Variants in TNFRSF10D observed in about 807,000 individuals in gnomAD.
TNFRSF10D encodes the protein TNF receptor superfamily member 10d.
Under a neutral mutation model 42.1 loss-of-function variants are expected in TNFRSF10D, and 28 were observed. The ratio of observed to expected loss-of-function variants is 0.66; its 90% CI spans 0.49 to 0.91. The LOEUF (loss-of-function observed/expected upper bound fraction) is 0.91. Ranked by LOEUF, TNFRSF10D falls within the 40% of genes least tolerant of loss-of-function variation. TNFRSF10D has a pLI of 0.00. For synonymous variants in TNFRSF10D, 186 were observed against 189.4 expected (o/e 0.98, Z 0.15); for missense variants, 503 against 486.1 (o/e 1.03, Z -0.33).
intron 3 of TNFRSF10D, among the ~76,000 whole-genome samples, chr8:23,147,316 C>T (rs917367792): frequency 6.6e-6 from 1 of 152,184 alleles, no homozygotes; most frequent in South Asian, 2.1e-4. Context: ...GTTTAGATGG[C>T]ATGGTCAGTA....
At chr8:23,147,150 C>A in intron 3 of TNFRSF10D, 78 bp from the exon 4 acceptor site, 1 of 1,219,430 alleles carries the variant, frequency 8.2e-7, no homozygotes, top group Non-Finnish European at 1.2e-6. Context: ...CCCATCCCCT[C>A]CCACTCAGCT....
At position 23,145,723 on chromosome 8, in the gene TNFRSF10D, C is replaced by CACAACCACAGCTAAAATGATGACT; in HGVS notation, c.657_680dup (p.Ile221_Val228dup). On this transcript the variant is annotated inframe_insertion, in exon 5 of 9. Coordinates refer to ENST00000312584, the MANE Select transcript of TNFRSF10D (RefSeq NM_003840.5). ...ATTTCTTCCGACATGAAAAGCCAAC[C>CACAACCACAGCTAAAATGATGACT]ACAACCACAGCTAAAATGATGACTA... is the stretch of plus-strand genomic sequence containing the variant. 1 of 1,614,168 alleles carries CACAACCACAGCTAAAATGATGACT rather than the reference C, an allele frequency of 6.2e-7. No homozygotes were observed. Among genetic ancestry groups the CACAACCACAGCTAAAATGATGACT allele is most frequent in the Admixed American group, 1.7e-5 (1 of 60,026 alleles).
chr8:23,150,404 G>A (rs1047164442), intron 2 of TNFRSF10D, among the ~76,000 whole-genome samples: 10 of 152,226 alleles, frequency 6.6e-5, no homozygotes, highest in African/African-American at 2.4e-4. Context: ...GACTGGTGAA[G>A]GGCGTTCCCT....
In TNFRSF10D at chr8:23,135,840, G is replaced by A. The variant is rs184002476; in HGVS notation, c.*2030C>T. The stretch of plus-strand genomic sequence containing the variant: ...AGGAAGGGACAAAGGAGCTGGGACC[G>A]GACTGGCTCTCTCTGAGCTTTGAGA... On this transcript the variant is annotated 3_prime_UTR_variant, in exon 9 of 9. Transcript: ENST00000312584. The A allele has an allele frequency of 3.4e-3, 1,534 of 447,342 alleles. No individual in the cohort carries two copies. Among genetic ancestry groups the A allele is most frequent in the African/African-American group, 0.017 (836 of 49,634 alleles). The allele number at this position is 447,342 out of a possible 1,614,324, so 27.7% of individuals were successfully genotyped here.
At chr8:23,147,490 G>A (rs1800137106) in intron 3 of TNFRSF10D, among the ~76,000 whole-genome samples, 1 of 152,184 alleles carries the variant, frequency 6.6e-6, no homozygotes, top group Admixed American at 6.5e-5. Flanking sequence ...CGGGAGGAGA[G>A]AGCCTGGCCA....
At chr8:23,154,526 T>TA (rs1332057463) in intron 2 of TNFRSF10D, among the ~76,000 whole-genome samples, 1 of 152,254 alleles carries the variant, frequency 6.6e-6, no homozygotes, top group Non-Finnish European at 1.5e-5. Context: ...CATTGCTTTT[T>TA]ATCTACTTTT....
chr8:23,144,220 T>A (rs1162276703), intron 7 of TNFRSF10D, among the ~76,000 whole-genome samples: 1 of 152,182 alleles, frequency 6.6e-6, no homozygotes, highest in East Asian at 1.9e-4. Flanking sequence ...CCTGTGGAGA[T>A]CCAGGCTCTG....
chr8:23,163,856 C>A lies in TNFRSF10D; in HGVS notation c.80G>T (p.Gly27Val). 1 of 1,606,432 alleles carries A rather than the reference C, an allele frequency of 6.2e-7. No homozygotes were observed. The highest frequency in any genetic ancestry group is 1.3e-5 in the African/African-American group (1 of 74,460). Residue 27 changes from glycine to valine, a missense_variant, in exon 1 of 9, where the codon GGA becomes GTA. Gly to Val is a moderately radical substitution (Grantham distance 109). Coordinates refer to ENST00000312584, the MANE Select transcript of TNFRSF10D (RefSeq NM_003840.5). ...GRYPGARTASGTRPWLLDPKI... is the reference protein window; with the variant it reads ...GRYPGARTASVTRPWLLDPKI... ...GGGGTCCAGGAGCCATGGTCTGGTT[C>A]CCGACGCTGTCCTGGCTCCTGGATA...
intron 2 of TNFRSF10D, among the ~76,000 whole-genome samples, chr8:23,154,258 C>T (rs1252962024): frequency 6.6e-6 from 1 of 152,190 alleles, no homozygotes; most frequent in Non-Finnish European, 1.5e-5. Context: ...TACAAAATTT[C>T]AGTTAGACAG....
In TNFRSF10D at chr8:23,154,615, C is replaced by T. The variant is rs145254511; in HGVS notation, c.256+259G>A. 2.4e-3 allele frequency among the ~76,000 whole-genome samples: 359 copies of T among 150,448 alleles called. 3 individuals are homozygous for T. The highest frequency in any genetic ancestry group is 8.5e-3 in the African/African-American group (339 of 39,986). On this transcript the variant is annotated intron_variant, in intron 2 of 8. Transcript: ENST00000312584. ...GTTGCAACCACGGATGCAACACCCA[C>T]AGATGAGGATGGCTACAGAACCCAC...
intron 3 of TNFRSF10D, among the ~76,000 whole-genome samples, 179 bp downstream of exon 3, chr8:23,148,254 TAAAAG>T (rs1216360216): frequency 2.7e-5 from 4 of 147,824 alleles, no homozygotes; most frequent in African/African-American, 7.5e-5. Context: ...AATAAATAAA[TAAAAG>T]AAAAGAAAAA....
rs1172936260 is a variant in TNFRSF10D at position 23,153,711 on chromosome 8, C to T, written c.256+1163G>A. 9.2e-5 allele frequency among the ~76,000 whole-genome samples: 14 copies of T among 152,036 alleles called. 1 individual carries two copies. The highest frequency in any genetic ancestry group is 8.5e-4 in the Admixed American group (13 of 15,272). On this transcript the variant is annotated intron_variant, in intron 2 of 8. Transcript: ENST00000312584. ...GTAAAAATGGCTATTACCAAAAAGACAAAAGATAACAAGTGTTGATGATGA... is the reference window on the plus strand; with the variant it reads ...GTAAAAATGGCTATTACCAAAAAGATAAAAGATAACAAGTGTTGATGATGA...
chr8:23,160,867 C>T (rs376015696), intron 1 of TNFRSF10D, among the ~76,000 whole-genome samples: 12 of 152,346 alleles, frequency 7.9e-5, no homozygotes, highest in Middle Eastern at 3.4e-3. Flanking sequence ...ACCAGAAGCA[C>T]AACTGGAAAC....
chr8:23,140,518 C>T (rs569203072), intron 7 of TNFRSF10D, among the ~76,000 whole-genome samples: 1 of 152,064 alleles, frequency 6.6e-6, no homozygotes, highest in Non-Finnish European at 1.5e-5. Flanking sequence ...AATGGAAAAA[C>T]ATTCCATGCT....
chr8:23,161,261 A>G (rs1264411731), intron 1 of TNFRSF10D, among the ~76,000 whole-genome samples: 3 of 152,234 alleles, frequency 2.0e-5, no homozygotes, highest in South Asian at 2.1e-4. Context: ...AGCAGGGCCC[A>G]GCTGTTCCCA....
At chr8:23,162,911 T>C (rs1800392676) in intron 1 of TNFRSF10D, among the ~76,000 whole-genome samples, 1 of 151,292 alleles carries the variant, frequency 6.6e-6, no homozygotes, top group Non-Finnish European at 1.5e-5. Context: ...ATAGGGTTAA[T>C]TTTGTTTGTT....
Position 23,137,892 on chromosome 8 carries a change from C to G in TNFRSF10D, c.1139G>C (p.Gly380Ala), listed in dbSNP as rs768663219. The part of the protein sequence containing the change: ...EKLFYEEDEA[G>A]SATSCL ...CTTTCACAGGCAGGACGTAGCAGAG[C>G]CTGCCTCATCTTCTTCATAAAAGAG... The change falls in exon 9 of 9, where the codon GGC (glycine) becomes GCC (alanine). Residue 380 changes from glycine to alanine, a missense_variant. By Grantham distance (60) the Gly-to-Ala change is moderately conservative (BLOSUM62 0). Coordinates refer to ENST00000312584, the MANE Select transcript of TNFRSF10D (RefSeq NM_003840.5). 3 of 1,613,976 alleles carry G rather than the reference C, an allele frequency of 1.9e-6. No homozygotes were observed. In the South Asian group the frequency reaches 3.3e-5, roughly 18 times the overall value.
At chr8:23,148,304 C>T (rs1800155217) in intron 3 of TNFRSF10D, 134 bp downstream of exon 3, 1 of 424,036 alleles carries the variant, frequency 2.4e-6, no homozygotes, top group Non-Finnish European at 4.4e-6. Context: ...ATCAACTAGT[C>T]ATAATCATGG....
intron 7 of TNFRSF10D, among the ~76,000 whole-genome samples, chr8:23,140,889 T>C (rs768119440): frequency 1.3e-5 from 2 of 152,198 alleles, no homozygotes; most frequent in African/African-American, 2.4e-5. Context: ...CAGTCTCAAG[T>C]ATTTCTTCAT....
Sources: allele counts gnomAD v4.1 joint callset (sites outside exome capture counted in the v4.1 genomes callset), GRCh38; gene constraint gnomAD v4.1.1; transcripts MANE v1.5; gene names NCBI Gene and HGNC (gene_info 2026-07-23, HGNC 2026-07-21).